The following STAT5B variants were observed in gnomAD, a reference collection of about 807,000 sequenced individuals.
STAT5B encodes transcription factor STAT5B.
STAT5B carries 21 observed loss-of-function variants against 107.8 expected under a neutral mutation model. That is an observed-to-expected ratio of 0.19 (90% CI 0.14 to 0.28). STAT5B has a LOEUF of 0.28. STAT5B is among the 10% of genes least tolerant of loss of function. The probability of loss-of-function intolerance (pLI) is 1.00; values close to 1 mark genes in which losing one functional copy is unlikely to be tolerated. For missense variants in STAT5B, 565 were observed against 1,008.2 expected (o/e 0.56, Z 5.95); for synonymous variants, 325 against 401.7 (o/e 0.81, Z 2.28).
At chr17:42,218,044 A>C in intron 9 of STAT5B, 107 bp downstream of exon 9, 1 of 1,532,368 alleles carries the variant, frequency 6.5e-7, no homozygotes, top group Non-Finnish European at 8.9e-7. Context: ...TGCCCAGAAG[A>C]GGCCAGAAGG....
chr17:42,217,242 T>C lies in STAT5B; in HGVS notation c.1298A>G (p.Glu433Gly). Residue 433 changes from glutamate to glycine, a missense_variant, in exon 11 of 19, where the codon GAG (glutamate) becomes GGG (glycine). Physicochemically the swap from Glu to Gly is moderately conservative, Grantham distance 98. Around this residue, in one of 11 missense-constraint regions of STAT5B, gnomAD observed 127 missense variants for 215.8 expected, o/e 0.59. Transcript: ENST00000293328. ...TGTAAATTTTTCTTCTGTCACCGAC[T>C]CTGCCCCACGACGGTCTGACCTCTT... is the stretch of plus-strand genomic sequence containing the variant. ...RIKRSDRRGA[E>G]SVTEEKFTIL... The C allele has an allele frequency of 6.2e-7, 1 of 1,614,218 alleles. No homozygotes were observed. The highest frequency in any genetic ancestry group is 8.5e-7 in the Non-Finnish European group (1 of 1,180,038).
chr17:42,217,681 T>A, intron 9 of STAT5B: 3 of 571,414 alleles, frequency 5.3e-6, no homozygotes, highest in Middle Eastern at 4.8e-4. Context: ...AAACAGTTCC[T>A]AAGAGAACTT....
chr17:42,240,527 T>A (rs539364895), intron 1 of STAT5B, among the ~76,000 whole-genome samples: 1 of 152,282 alleles, frequency 6.6e-6, no homozygotes, highest in East Asian at 1.9e-4. Context: ...AGGTAAGGGC[T>A]TTTTGAGGGG....
At chr17:42,212,511 A>G (rs2080137839) in intron 12 of STAT5B, among the ~76,000 whole-genome samples, 1 of 152,226 alleles carries the variant, frequency 6.6e-6, no homozygotes, top group Non-Finnish European at 1.5e-5. Flanking sequence ...GATTGTAAAC[A>G]CCTTGGGAAT....
intron 1 of STAT5B, among the ~76,000 whole-genome samples, chr17:42,263,871 GCACACACACA>G (rs3222522): frequency 2.1e-4 from 30 of 145,028 alleles, no homozygotes; most frequent in Admixed American, 4.9e-4. Context: ...TAGAAAGCGC[GCACACACACA>G]CACACACACA....
chr17:42,210,601 T>C (rs2080120308), intron 13 of STAT5B, 104 bp from the exon 14 acceptor site: 1 of 1,056,550 alleles, frequency 9.5e-7, no homozygotes, highest in Non-Finnish European at 1.5e-6. Context: ...ACATCTACCC[T>C]TGTCAGAGGC....
rs112489992 is a variant in STAT5B, at chr17:42,236,988, T to C, written c.-10-4851A>G. On this transcript the variant is annotated intron_variant, in intron 1 of 18. Coordinates refer to ENST00000293328, the MANE Select transcript of STAT5B (RefSeq NM_012448.4). ...TCAGACAAGGGAAGTAGTTTGTTCT[T>C]TGGTAAATCATCACAGGGGATTCTC... Among the ~76,000 whole-genome samples the C allele has an allele frequency of 5.3e-3, 800 of 152,326 alleles. 11 individuals carry two copies. Among genetic ancestry groups the C allele is most frequent in the African/African-American group, 0.018 (732 of 41,560 alleles).
chr17:42,228,709 A>C (rs951747046), intron 2 of STAT5B, among the ~76,000 whole-genome samples: 4 of 152,200 alleles, frequency 2.6e-5, no homozygotes, highest in African/African-American at 9.7e-5. Flanking sequence ...AGGCAGGCGG[A>C]TTACCTGAGC....
At chr17:42,252,544 T>G (rs527612102) in intron 1 of STAT5B, among the ~76,000 whole-genome samples, 1 of 152,306 alleles carries the variant, frequency 6.6e-6, no homozygotes, top group East Asian at 1.9e-4. Flanking sequence ...TTTATAGACC[T>G]CCATGTTACA....
At chr17:42,259,251 C>T (rs1268916041) in intron 1 of STAT5B, among the ~76,000 whole-genome samples, 1 of 152,160 alleles carries the variant, frequency 6.6e-6, no homozygotes, top group Non-Finnish European at 1.5e-5. Flanking sequence ...ATCCTCCCAC[C>T]TTGGCCTCCC....
intron 1 of STAT5B, among the ~76,000 whole-genome samples, chr17:42,243,703 G>C (rs2080424968): frequency 6.6e-6 from 1 of 152,084 alleles, no homozygotes; most frequent in African/African-American, 2.4e-5. Context: ...TCAAAATGAA[G>C]GGCAAACATT....
In STAT5B at chr17:42,276,151, C is replaced by A. The variant is rs2080763302; in HGVS notation, c.-11+97G>T. On this transcript the variant is annotated intron_variant, in intron 1 of 18. Coordinates refer to ENST00000293328, the MANE Select transcript of STAT5B (RefSeq NM_012448.4). The surrounding 1 kb of genome is among the most constrained non-coding windows in gnomAD (Gnocchi z 4.8). ...AGTGATGGCGGCGGCGCGGCCCTGA[C>A]GGGCGGCTGAGCGGCTGGAGCGCGG... 1 of 149,454 alleles carries A rather than the reference C, an allele frequency of 6.7e-6. No individual in the cohort carries two copies. The highest frequency in any genetic ancestry group is 2.1e-4 in the South Asian group (1 of 4,804). 9.3% of individuals were successfully genotyped at this position (149,454 alleles called of 1,614,324 possible). A position where few individuals can be genotyped will look rare whatever the true frequency, so the allele number is the denominator to read the frequency against.
upstream of STAT5B, among the ~76,000 whole-genome samples, chr17:42,278,708 C>T (rs1294582426): frequency 2.0e-5 from 3 of 152,078 alleles, no homozygotes; most frequent in East Asian, 1.9e-4. Flanking sequence ...AGGCCGGGCA[C>T]GGTGGCTCAC....
intron 1 of STAT5B, among the ~76,000 whole-genome samples, chr17:42,260,956 G>A (rs552097372): frequency 9.7e-5 from 14 of 143,774 alleles, no homozygotes; most frequent in African/African-American, 2.9e-4. Flanking sequence ...TCATTTTGTC[G>A]CCGAGGCTGA....
chr17:42,202,907 C>G, intron 16 of STAT5B, 99 bp from the exon 17 acceptor site: 1 of 1,444,654 alleles, frequency 6.9e-7, no homozygotes, highest in South Asian at 1.1e-5. Context: ...AACACAACCA[C>G]CTAACTTATC....
At chr17:42,235,683 G>C (rs2080351214) in intron 1 of STAT5B, among the ~76,000 whole-genome samples, 1 of 152,116 alleles carries the variant, frequency 6.6e-6, no homozygotes, top group African/African-American at 2.4e-5. Context: ...TCACCATGTT[G>C]GCCAGGATGG....
intron 1 of STAT5B, among the ~76,000 whole-genome samples, chr17:42,239,709 T>G (rs1176097459): frequency 6.6e-6 from 1 of 152,196 alleles, no homozygotes; most frequent in African/African-American, 2.4e-5. Context: ...TGTAACATGG[T>G]GAAACAGTTT....
chr17:42,212,967 T>C (rs1038615120), intron 12 of STAT5B, among the ~76,000 whole-genome samples: 2 of 152,202 alleles, frequency 1.3e-5, no homozygotes, highest in African/African-American at 4.8e-5. Context: ...CAATGACATA[T>C]ACCTTTTCCT....
intron 1 of STAT5B, among the ~76,000 whole-genome samples, chr17:42,237,498 G>C (rs1352457120): frequency 6.6e-6 from 1 of 152,168 alleles, no homozygotes; most frequent in Non-Finnish European, 1.5e-5. Context: ...TAGCTAAACT[G>C]CAGTGGAGAG....
Sources: allele counts gnomAD v4.1 joint callset (sites outside exome capture counted in the v4.1 genomes callset), GRCh38; gene constraint gnomAD v4.1.1; regional missense constraint gnomAD v4.1.1; non-coding constraint Gnocchi (gnomAD v3.1); transcripts MANE v1.5; gene names NCBI Gene and HGNC (gene_info 2026-07-23, HGNC 2026-07-21).